The following THSD1 variants were observed in gnomAD, a reference collection of about 807,000 sequenced individuals.
The protein encoded by THSD1 is thrombospondin type-1 domain-containing protein 1.
In THSD1, 34 loss-of-function variants were observed where a neutral mutation model predicts 46.3. That is an observed-to-expected ratio of 0.74 (90% CI 0.56 to 0.98). THSD1 has a LOEUF of 0.98. Among genes scored for constraint, THSD1 ranks in the 50% least tolerant of loss-of-function variants. THSD1 has a pLI of 0.00. For synonymous variants in THSD1, 407 were observed against 416.5 expected, an observed-to-expected ratio of 0.98 and a Z score of 0.28; for missense variants, 1,023 against 1,058.3, an observed-to-expected ratio of 0.97 and a Z score of 0.46.
chr13:52,395,752 G>A (rs948100938), intron 3 of THSD1, among the ~76,000 whole-genome samples: 3 of 152,192 alleles, frequency 2.0e-5, no homozygotes, highest in African/African-American at 7.2e-5. Context: ...GACACTGGGT[G>A]AAGTGTGCCT....
In THSD1 at chr13:52,402,606, T is replaced by A; in HGVS notation, c.-6A>T. The A allele has an allele frequency of 6.2e-7, 1 of 1,613,996 alleles. No individual in the cohort carries two copies. The highest frequency in any genetic ancestry group is 8.5e-7 in the Non-Finnish European group (1 of 1,179,922). ...TCTTTCAACATTGGTTTCATTCTGATTGACAAAATCCCAGGTCTTTAGTCT... is the reference window on the plus strand; with the variant it reads ...TCTTTCAACATTGGTTTCATTCTGAATGACAAAATCCCAGGTCTTTAGTCT... On this transcript the variant is annotated 5_prime_UTR_variant, in exon 2 of 5. Transcript: ENST00000258613.
At chr13:52,398,771 AT>A (rs1957830992) in intron 2 of THSD1, among the ~76,000 whole-genome samples, 2 of 152,358 alleles carry the variant, frequency 1.3e-5, no homozygotes, top group Middle Eastern at 3.4e-3. Flanking sequence ...CAGAATAATA[AT>A]TTTTAGGATT....
At chr13:52,380,415 C>T (rs559840016) in intron 4 of THSD1, among the ~76,000 whole-genome samples, 3 of 152,052 alleles carry the variant, frequency 2.0e-5, no homozygotes, top group South Asian at 2.1e-4. Context: ...CAGAACACCA[C>T]CTTCACCTCC....
intron 4 of THSD1, among the ~76,000 whole-genome samples, chr13:52,381,804 C>T (rs967925445): frequency 3.9e-5 from 6 of 152,186 alleles, no homozygotes; most frequent in South Asian, 2.1e-4. Context: ...AGCCCTCTCA[C>T]GCTCTCAGAC....
chr13:52,404,007 G>C (rs111332571), intron 1 of THSD1, among the ~76,000 whole-genome samples: 1,675 of 137,410 alleles, frequency 0.012, 22 homozygotes, highest in African/African-American at 0.037. Context: ...GAGTGCAGTG[G>C]CATGATCTTG....
intron 4 of THSD1, among the ~76,000 whole-genome samples, chr13:52,380,610 C>G (rs1384733655): frequency 1.3e-5 from 2 of 151,758 alleles, no homozygotes; most frequent in Non-Finnish European, 2.9e-5. Context: ...CCACGCCTCA[C>G]TAAATTTTTT....
chr13:52,387,632 A>G (rs920597217), intron 3 of THSD1, among the ~76,000 whole-genome samples: 1 of 152,258 alleles, frequency 6.6e-6, no homozygotes, highest in African/African-American at 2.4e-5. Flanking sequence ...ACTGTTAGAA[A>G]CTAAAAAGTC....
intron 3 of THSD1, among the ~76,000 whole-genome samples, chr13:52,391,306 T>C (rs1249227751): frequency 6.6e-6 from 1 of 151,482 alleles, no homozygotes; most frequent in East Asian, 1.9e-4. Context: ...AGCCTCAACT[T>C]CCCCCTGCTC....
chr13:52,390,377 A>G (rs992815527), intron 3 of THSD1, among the ~76,000 whole-genome samples: 9 of 152,130 alleles, frequency 5.9e-5, no homozygotes, highest in Admixed American at 5.9e-4. Flanking sequence ...CTTTGGAGTG[A>G]GTAATGGAAT....
chr13:52,385,248 A>G (rs1032816187), intron 4 of THSD1, among the ~76,000 whole-genome samples: 3 of 152,212 alleles, frequency 2.0e-5, no homozygotes, highest in Non-Finnish European at 4.4e-5. Context: ...AAGAGTCAGG[A>G]CCAGAGCAGA....
intron 4 of THSD1, 75 bp from the exon 5 acceptor site, chr13:52,378,864 T>C (rs1049476420): frequency 1.3e-5 from 3 of 223,872 alleles, no homozygotes; most frequent in Admixed American, 8.7e-5. Flanking sequence ...TTTTCTTTTC[T>C]TTTTTTTTTT....
At chr13:52,399,434 A>T (rs1399586937) in intron 2 of THSD1, among the ~76,000 whole-genome samples, 2 of 152,176 alleles carry the variant, frequency 1.3e-5, no homozygotes, top group African/African-American at 2.4e-5. Flanking sequence ...TGAATTTATT[A>T]TTCTTATTAT....
chr13:52,392,430 C>A (rs1957780661), intron 3 of THSD1, among the ~76,000 whole-genome samples: 1 of 152,088 alleles, frequency 6.6e-6, no homozygotes, highest in African/African-American at 2.4e-5. Context: ...AAATACTTGG[C>A]AAAATGGGAA....
intron 1 of THSD1, among the ~76,000 whole-genome samples, chr13:52,403,567 C>T (rs984814843): frequency 2.2e-4 from 33 of 152,296 alleles, no homozygotes; most frequent in Middle Eastern, 3.4e-3. Context: ...CTGCAAGCTC[C>T]GCTTCCCGGG....
chr13:52,394,833 C>G (rs1957800270), intron 3 of THSD1, among the ~76,000 whole-genome samples: 1 of 152,216 alleles, frequency 6.6e-6, no homozygotes, highest in East Asian at 1.9e-4. Context: ...AAATGAGCTT[C>G]CCCCATCTGC....
intron 3 of THSD1, among the ~76,000 whole-genome samples, chr13:52,391,293 T>C (rs1957771347): frequency 6.6e-6 from 1 of 151,828 alleles, no homozygotes; most frequent in Non-Finnish European, 1.5e-5. Flanking sequence ...CGTGCCTTAC[T>C]GAAGCCTCAA....
intron 3 of THSD1, among the ~76,000 whole-genome samples, chr13:52,394,135 A>T (rs569301730): frequency 6.6e-6 from 1 of 151,554 alleles, no homozygotes; most frequent in Admixed American, 6.6e-5. Flanking sequence ...TGTGGGAAAA[A>T]CTCCAGCCTT....
intron 3 of THSD1, among the ~76,000 whole-genome samples, chr13:52,395,394 C>T (rs1338720583): frequency 2.0e-5 from 3 of 152,060 alleles, no homozygotes; most frequent in African/African-American, 7.2e-5. Context: ...AGACTTCTGG[C>T]TTCTGGTTTG....
intron 3 of THSD1, among the ~76,000 whole-genome samples, chr13:52,391,001 C>T (rs746567966): frequency 1.3e-5 from 2 of 152,072 alleles, no homozygotes; most frequent in Non-Finnish European, 2.9e-5. Context: ...ATTACTCACT[C>T]CAAAGATTGC....
Sources: allele counts gnomAD v4.1 joint callset (sites outside exome capture counted in the v4.1 genomes callset), GRCh38; gene constraint gnomAD v4.1.1; transcripts MANE v1.5; gene names NCBI Gene and HGNC (gene_info 2026-07-23, HGNC 2026-07-21).